SLC6A6: variants seen among roughly 807,000 people sequenced by gnomAD.
The protein encoded by SLC6A6 is solute carrier family 6 member 6, also known as sodium- and chloride-dependent taurine transporter.
SLC6A6 carries 16 observed loss-of-function variants against 68.8 expected under a neutral mutation model. The observed-to-expected ratio is 0.23, with a 90% CI of 0.16 to 0.35. The LOEUF (loss-of-function observed/expected upper bound fraction) is 0.35. SLC6A6 is among the 10% of genes least tolerant of loss of function. The pLI is 1.00. For missense variants in SLC6A6, 474 were observed against 802.8 expected, an observed-to-expected ratio of 0.59 and a Z score of 4.95; for synonymous variants, 312 against 315.4, an observed-to-expected ratio of 0.99 and a Z score of 0.12.
chr3:14,439,684 C>T (rs1199074232), intron 2 of SLC6A6, among the ~76,000 whole-genome samples: 5 of 152,238 alleles, frequency 3.3e-5, no homozygotes, highest in Non-Finnish European at 7.3e-5. Flanking sequence ...CAGCCCTTGT[C>T]GGCGGGTGCA....
chr3:14,447,035 C>T (rs921242578), intron 4 of SLC6A6, among the ~76,000 whole-genome samples: 3 of 152,280 alleles, frequency 2.0e-5, no homozygotes, highest in African/African-American at 7.2e-5. Flanking sequence ...TTCATCTACC[C>T]AACCTTCTAA....
chr3:14,439,204 C>A (rs1349139864), intron 2 of SLC6A6, among the ~76,000 whole-genome samples: 1 of 152,242 alleles, frequency 6.6e-6, no homozygotes, highest in Non-Finnish European at 1.5e-5. Flanking sequence ...GTGTGTGTAG[C>A]CTCAGCCAGG....
rs184231414 is a variant in SLC6A6, at chr3:14,486,350, C to T, written c.*1343C>T. On this transcript the variant is annotated 3_prime_UTR_variant, in exon 15 of 15. Coordinates refer to ENST00000622186, the MANE Select transcript of SLC6A6 (RefSeq NM_003043.6). ...CTCCCAGTTCAGAACAAGGGCAGCC[C>T]GTGGTGCTGACCTAGGATATAACAA... is the stretch of plus-strand genomic sequence containing the variant. The T allele has an allele frequency of 1.3e-5, 2 of 152,648 alleles. No individual in the cohort carries two copies. The highest frequency in any genetic ancestry group is 1.9e-4 in the East Asian group (1 of 5,174). 9.5% of individuals were successfully genotyped at this position (152,648 alleles called of 1,614,324 possible).
At chr3:14,445,158 C>CA (rs1215602831) in intron 3 of SLC6A6, among the ~76,000 whole-genome samples, 1 of 151,944 alleles carries the variant, frequency 6.6e-6, no homozygotes, top group Non-Finnish European at 1.5e-5. Context: ...CGCGGTGGCT[C>CA]ACGCCTGTAA....
At chr3:14,444,151 A>G in intron 3 of SLC6A6, 1 of 373,300 alleles carries the variant, frequency 2.7e-6, no homozygotes, top group South Asian at 3.9e-5. Context: ...AGGCAGGACA[A>G]GGCCAGGCTT....
chr3:14,420,588 T>G (rs1222546949), intron 2 of SLC6A6, among the ~76,000 whole-genome samples: 2 of 146,888 alleles, frequency 1.4e-5, no homozygotes, highest in Admixed American at 6.9e-5. Flanking sequence ...CCTTCCAAAC[T>G]CAAGCCTTCC....
chr3:14,464,094 C>T (rs1194640608), intron 6 of SLC6A6, among the ~76,000 whole-genome samples: 2 of 152,210 alleles, frequency 1.3e-5, no homozygotes, highest in Non-Finnish European at 2.9e-5. Context: ...GGGAGGCAAC[C>T]TCAGAGCTCC....
At position 14,477,360 on chromosome 3, in the gene SLC6A6, C is replaced by G. The variant is rs768235392; in HGVS notation, c.1347+18C>G. 2 of 1,612,884 alleles carry G rather than the reference C, an allele frequency of 1.2e-6. No individual in the cohort carries two copies. Among genetic ancestry groups the G allele is most frequent in the Non-Finnish European group, 1.7e-6 (2 of 1,179,248 alleles). ...TGACGGAGGTAGGTGGCTCTCTCAG[C>G]TGTGTTTCAGGCTTGGTGCTCCAGT... is the stretch of plus-strand genomic sequence containing the variant. On this transcript the variant is annotated intron_variant, in intron 11 of 14. Transcript: ENST00000622186. This position sits in a 1 kb window ranked among gnomAD's most constrained non-coding sequence, Gnocchi z 4.2.
chr3:14,447,363 C>T (rs1011701485), intron 4 of SLC6A6, among the ~76,000 whole-genome samples: 1 of 152,192 alleles, frequency 6.6e-6, no homozygotes, highest in Non-Finnish European at 1.5e-5. Flanking sequence ...GTTCTATCCC[C>T]CCTGCCCCCT....
intron 2 of SLC6A6, among the ~76,000 whole-genome samples, chr3:14,425,354 C>G (rs560911047): frequency 2.4e-4 from 37 of 152,160 alleles, no homozygotes; most frequent in Non-Finnish European, 4.7e-4. Flanking sequence ...GAAACAGAGT[C>G]CCGCAGGAGC....
chr3:14,448,549 A>G (rs1700183863), intron 5 of SLC6A6, among the ~76,000 whole-genome samples: 1 of 152,198 alleles, frequency 6.6e-6, no homozygotes, highest in South Asian at 2.1e-4. Flanking sequence ...TAGGAACAAG[A>G]AACGGTCAAT....
At position 14,402,653 on chromosome 3, in the gene SLC6A6, G is replaced by T; in HGVS notation, c.-248G>T. 1 of 398,210 alleles carries T rather than the reference G, an allele frequency of 2.5e-6. No homozygotes were observed. The highest frequency in any genetic ancestry group is 4.4e-6 in the Non-Finnish European group (1 of 225,822). The allele number at this position is 398,210 out of a possible 1,614,324, so 24.7% of individuals were successfully genotyped here. On this transcript the variant is annotated 5_prime_UTR_variant, in exon 1 of 15. Coordinates refer to ENST00000622186, the MANE Select transcript of SLC6A6 (RefSeq NM_003043.6). This position sits in a 1 kb window ranked among gnomAD's most constrained non-coding sequence, Gnocchi z 4.8. ...AGACACGCGAGGTCAGGAAGAAGCC[G>T]CTTATAAATTACCGCTTCCTTCGCG...
intron 2 of SLC6A6, among the ~76,000 whole-genome samples, chr3:14,442,526 C>G (rs1700014360): frequency 6.6e-6 from 1 of 152,218 alleles, no homozygotes; most frequent in Admixed American, 6.5e-5. Context: ...TCTTGGTAAC[C>G]CTTGTCAGTT....
At chr3:14,456,066 G>A (rs1005983518) in intron 5 of SLC6A6, among the ~76,000 whole-genome samples, 5 of 152,216 alleles carry the variant, frequency 3.3e-5, no homozygotes, top group Non-Finnish European at 7.3e-5. Flanking sequence ...GCAGCTCTGT[G>A]TCACCTGCTG....
intron 4 of SLC6A6, among the ~76,000 whole-genome samples, chr3:14,446,827 T>G (rs1574940552): frequency 6.6e-6 from 1 of 152,222 alleles, no homozygotes; most frequent in East Asian, 1.9e-4. Flanking sequence ...GCTTCCTTAG[T>G]CCTATGTTTA....
rs1700895159 is a variant in SLC6A6 at position 14,477,070 on chromosome 3, C to T, written c.1210-135C>T. On this transcript the variant is annotated intron_variant, in intron 10 of 14. Transcript: ENST00000622186. The surrounding 1 kb of genome is among the most constrained non-coding windows in gnomAD (Gnocchi z 4.2). ...AGGCTTCCACACTTGGACTTGATCT[C>T]ACAGGCCAATTCTGGACACAAGGAT... 2.5e-6 allele frequency: 2 copies of T among 808,852 alleles called. No homozygotes were observed. The highest frequency in any genetic ancestry group is 3.4e-5 in the African/African-American group (2 of 58,336). 50.1% of individuals were successfully genotyped at this position (808,852 alleles called of 1,614,324 possible).
intron 2 of SLC6A6, among the ~76,000 whole-genome samples, chr3:14,424,861 AG>A (rs1274405314): frequency 6.6e-6 from 1 of 151,762 alleles, no homozygotes; most frequent in East Asian, 1.9e-4. Context: ...GTGCATTGGG[AG>A]GGAGGGGACG....
Position 14,477,110 on chromosome 3 carries a change from C to A in SLC6A6, c.1210-95C>A. ...GACACAAGGATGGTCACGTCTGCTC[C>A]TGCATTGTGTGTTCCTGGGCCCTTC... On this transcript the variant is annotated intron_variant, in intron 10 of 14. Coordinates refer to ENST00000622186, the MANE Select transcript of SLC6A6 (RefSeq NM_003043.6). The surrounding 1 kb of genome is among the most constrained non-coding windows in gnomAD (Gnocchi z 4.2). 8.4e-7 allele frequency: 1 copy of A among 1,183,472 alleles called. No homozygotes were observed. Among genetic ancestry groups the A allele is most frequent in the Non-Finnish European group, 1.2e-6 (1 of 812,916 alleles). The allele number at this position is 1,183,472 out of a possible 1,614,324, so 73.3% of individuals were successfully genotyped here.
chr3:14,443,993 G>A (rs1252757878), intron 3 of SLC6A6, 130 bp downstream of exon 3: 2 of 655,762 alleles, frequency 3.0e-6, no homozygotes, highest in Non-Finnish European at 5.4e-6. Flanking sequence ...CCTCCATGAG[G>A]TCAGCCTGCC....
Sources: gnomAD v4.1 joint callset for allele counts (sites outside exome capture counted in the v4.1 genomes callset) on GRCh38, gnomAD v4.1.1 for gene constraint, Gnocchi (gnomAD v3.1) non-coding constraint, MANE v1.5 for transcripts, NCBI Gene and HGNC (gene_info 2026-07-23, HGNC 2026-07-21) for gene names.